CDK12: variants seen among roughly 807,000 people sequenced by gnomAD.
The protein encoded by CDK12 is cyclin-dependent kinase 12.
A neutral mutation model predicts 133.8 loss-of-function variants in CDK12; 17 were observed. The observed-to-expected ratio is 0.13, with a 90% confidence interval of 0.09 to 0.19. CDK12 has a LOEUF of 0.19. CDK12 is among the 10% of genes least tolerant of loss of function. The probability of loss-of-function intolerance (pLI) is 1.00; values close to 1 mark genes in which losing one functional copy is unlikely to be tolerated. For missense variants in CDK12, 1,508 were observed against 1,818.7 expected (o/e 0.83, Z 3.11); for synonymous variants, 694 against 683.6 (o/e 1.02, Z -0.24).
chr17:39,470,093 A>G (rs1369177490), intron 1 of CDK12, among the ~76,000 whole-genome samples: 2 of 151,598 alleles, frequency 1.3e-5, no homozygotes, highest in Non-Finnish European at 2.9e-5. Context: ...TTTTATTGTT[A>G]TATGATTCAG....
chr17:39,537,139 CTT>C (rs1273920356), downstream of CDK12, among the ~76,000 whole-genome samples: 1 of 152,184 alleles, frequency 6.6e-6, no homozygotes, highest in African/African-American at 2.4e-5. Context: ...TGGAGGATGT[CTT>C]TTCTCTACCT....
intron 2 of CDK12, among the ~76,000 whole-genome samples, chr17:39,477,756 G>C (rs1249368118): frequency 3.3e-5 from 5 of 151,222 alleles, no homozygotes; most frequent in African/African-American, 4.9e-5. Flanking sequence ...GTATTTTTTA[G>C]TAGAGATGGG....
chr17:39,527,117 A>T (rs2054541267), intron 13 of CDK12, among the ~76,000 whole-genome samples: 1 of 152,238 alleles, frequency 6.6e-6, no homozygotes, highest in Non-Finnish European at 1.5e-5. Flanking sequence ...CTCACTGTCC[A>T]TGAAGACCCC....
rs1459337875 is a variant in CDK12, at chr17:39,470,885, A to G, written c.1053A>G (p.Lys351=). ...SLSRSPLPSR[K]SMKSRSRSPA... ...TGGCTTTTTATTTTTCCAGTAGGAA[A>G]TCCATGAAGTCCAGAAGTAGAAGTC... The change falls in exon 2 of 14, where the codon AAA becomes AAG. Residue 351 remains lysine, a synonymous_variant. Transcript: ENST00000447079. The G allele has an allele frequency of 6.3e-7, 1 of 1,595,770 alleles. No homozygotes were observed. The highest frequency in any genetic ancestry group is 1.8e-5 in the Admixed American group (1 of 54,544).
intron 5 of CDK12, among the ~76,000 whole-genome samples, chr17:39,496,525 C>A (rs935954651): frequency 2.0e-5 from 3 of 151,962 alleles, no homozygotes; most frequent in African/African-American, 7.2e-5. Context: ...GATGGTGAAA[C>A]CCTATCTCTA....
chr17:39,490,262 G>A (rs1013816282), intron 2 of CDK12, among the ~76,000 whole-genome samples: 1 of 151,774 alleles, frequency 6.6e-6, no homozygotes, highest in Non-Finnish European at 1.5e-5. Flanking sequence ...AGCTACTTGG[G>A]AAGCTGAGGT....
chr17:39,511,328 A>G (rs566953892), intron 7 of CDK12, among the ~76,000 whole-genome samples: 1 of 151,620 alleles, frequency 6.6e-6, no homozygotes, highest in South Asian at 2.1e-4. Context: ...TATTACAGGC[A>G]TGAGCCACCA....
intron 6 of CDK12, 61 bp downstream of exon 6, chr17:39,501,500 C>A (rs2146149875): frequency 8.7e-7 from 1 of 1,144,120 alleles, no homozygotes; most frequent in Non-Finnish European, 1.3e-6. Context: ...TTTTTAGTTT[C>A]AAATGGTTAA....
At chr17:39,467,764 C>G (rs141923516) in intron 1 of CDK12, among the ~76,000 whole-genome samples, 56 of 152,232 alleles carry the variant, frequency 3.7e-4, no homozygotes, top group African/African-American at 1.2e-3. Flanking sequence ...CAAATATGTA[C>G]AGAAGGAATG....
At chr17:39,468,441 TG>T (rs2049517694) in intron 1 of CDK12, among the ~76,000 whole-genome samples, 1 of 152,134 alleles carries the variant, frequency 6.6e-6, no homozygotes, top group Non-Finnish European at 1.5e-5. Context: ...GGGAAAATTT[TG>T]TTTTGTCCAA....
intron 9 of CDK12, among the ~76,000 whole-genome samples, 174 bp downstream of exon 9, chr17:39,515,982 G>A (rs551763435): frequency 1.3e-5 from 2 of 152,292 alleles, no homozygotes; most frequent in African/African-American, 2.4e-5. Context: ...ATATAAAGAA[G>A]TTTTATTTCA....
chr17:39,512,553 A>G (rs2053564089), intron 8 of CDK12, among the ~76,000 whole-genome samples: 1 of 152,218 alleles, frequency 6.6e-6, no homozygotes, highest in Admixed American at 6.5e-5. Context: ...GCAGTTCTAA[A>G]TGAGCAGATT....
chr17:39,471,197 A>G lies in CDK12; in HGVS notation c.1365A>G (p.Lys455=), dbSNP rs372348130. 7.2e-5 allele frequency: 114 copies of G among 1,581,824 alleles called. No individual in the cohort carries two copies. Among genetic ancestry groups the G allele is most frequent in the Non-Finnish European group, 8.6e-5 (101 of 1,168,414 alleles). Reference sequence around the variant, plus strand: ...TACCCAGAAGTGTAAAATTGGAAAAATCTGCCCCAGATACTGAACTGGTGA... The same window carrying G: ...TACCCAGAAGTGTAAAATTGGAAAAGTCTGCCCCAGATACTGAACTGGTGA... The part of the protein sequence containing the change: ...KKLPRSVKLE[K]SAPDTELVNV... Residue 455 remains lysine (K), a synonymous_variant, in exon 2 of 14, where the codon AAA becomes AAG. Coordinates refer to ENST00000447079, the MANE Select transcript of CDK12 (RefSeq NM_016507.4).
At chr17:39,465,458 T>C (rs2049236659) in intron 1 of CDK12, among the ~76,000 whole-genome samples, 1 of 151,648 alleles carries the variant, frequency 6.6e-6, no homozygotes, top group Non-Finnish European at 1.5e-5. Context: ...AATGCCTAAG[T>C]CTTAAGTGTA....
rs2054817153 is a variant in CDK12, at chr17:39,531,126, A to G, written c.4283A>G (p.Asn1428Ser). The G allele has an allele frequency of 6.4e-7, 1 of 1,566,832 alleles. No individual in the cohort carries two copies. The highest frequency in any genetic ancestry group is 8.6e-7 in the Non-Finnish European group (1 of 1,158,370). Residue 1428 changes from asparagine (N) to serine (S), a missense_variant, in exon 14 of 14, where the codon AAT (asparagine) becomes AGT (serine). Coordinates refer to ENST00000447079, the MANE Select transcript of CDK12 (RefSeq NM_016507.4). ...QPFLKAEGSS[N>S]SVVHAETKLQ... is the part of the protein sequence containing the mutation. ...TTCCTGAAGGCTGAGGGAAGCAGCA[A>G]TTCTGTGGTACATGCAGAGACCAAA...
At chr17:39,563,829 G>A (rs1187837768) in intron 3 of CDK12, among the ~76,000 whole-genome samples, 1 of 152,104 alleles carries the variant, frequency 6.6e-6, no homozygotes, top group African/African-American at 2.4e-5. Flanking sequence ...AGCAGCTGTC[G>A]GCCTAATTCT....
At chr17:39,487,706 T>A (rs2051252165) in intron 2 of CDK12, among the ~76,000 whole-genome samples, 1 of 140,902 alleles carries the variant, frequency 7.1e-6, no homozygotes, top group Admixed American at 7.8e-5. Context: ...AACCTTGACC[T>A]CCCCAGTTCA....
chr17:39,517,818 A>G (rs2053905487), intron 10 of CDK12, among the ~76,000 whole-genome samples: 1 of 152,188 alleles, frequency 6.6e-6, no homozygotes, highest in South Asian at 2.1e-4. Context: ...TCCATGAGAA[A>G]AAGAGAATGG....
chr17:39,551,364 C>G (rs759469212), intron 2 of CDK12, among the ~76,000 whole-genome samples: 10 of 152,116 alleles, frequency 6.6e-5, no homozygotes, highest in Non-Finnish European at 1.0e-4. Context: ...ACACAAATCC[C>G]CTACAGCCCC....
Sources: allele counts gnomAD v4.1 joint callset (sites outside exome capture counted in the v4.1 genomes callset), GRCh38; gene constraint gnomAD v4.1.1; transcripts MANE v1.5; gene names NCBI Gene and HGNC (gene_info 2026-07-23, HGNC 2026-07-21).